ANKRD30B: variants seen among roughly 807,000 people sequenced by gnomAD.
ANKRD30B encodes the protein ankyrin repeat domain 30B.
In ANKRD30B, 144 loss-of-function variants were observed where a neutral mutation model predicts 202.2. That is an observed-to-expected ratio of 0.71 (90% CI 0.62 to 0.82). The LOEUF (loss-of-function observed/expected upper bound fraction) is 0.82. Among genes scored for constraint, ANKRD30B ranks in the 40% least tolerant of loss-of-function variants. The pLI, the probability that ANKRD30B is intolerant of heterozygous loss-of-function variation, is 0.00. For missense variants in ANKRD30B, 1,487 were observed against 1,669.1 expected (o/e 0.89, Z 1.90); for synonymous variants, 508 against 561.3 (o/e 0.91, Z 1.34).
chr18:14,931,578 G>C, the ANKRD30B span, among the ~76,000 whole-genome samples: 1 of 152,136 alleles, frequency 6.6e-6, no homozygotes, highest in African/African-American at 2.4e-5. Context: ...TGAACTGACA[G>C]AGGAGGCTAC....
rs1439086034 is a variant in ANKRD30B, at chr18:14,763,843, A to G, written c.978A>G (p.Gly326=). Reference sequence around the variant, plus strand: ...AATGTCTGGGGAAAGCAACATCTGGAAAGTTTGAACAGTCAACAGAAGAAA... The same window carrying G: ...AATGTCTGGGGAAAGCAACATCTGGGAAGTTTGAACAGTCAACAGAAGAAA... ...KIQCLGKATS[G]KFEQSTEETP... is the part of the protein sequence containing the mutation. The change falls in exon 7 of 44, where the codon GGA becomes GGG. Residue 326 remains glycine, a synonymous_variant. Transcript: ENST00000690538. 1.2e-6 allele frequency: 2 copies of G among 1,613,412 alleles called. No homozygotes were observed. The highest frequency in any genetic ancestry group is 1.7e-6 in the Non-Finnish European group (2 of 1,179,652).
chr18:14,909,555 G>A, the ANKRD30B span, among the ~76,000 whole-genome samples: 6 of 152,044 alleles, frequency 3.9e-5, no homozygotes, highest in East Asian at 3.9e-4. Flanking sequence ...TTACAGGCGC[G>A]CACCACCATT....
chr18:14,769,135 G>T (rs1022352766), intron 7 of ANKRD30B, among the ~76,000 whole-genome samples: 2 of 152,080 alleles, frequency 1.3e-5, no homozygotes, highest in East Asian at 3.9e-4. Flanking sequence ...ACGAAAATAT[G>T]CATGATTCTT....
intron 24 of ANKRD30B, 115 bp downstream of exon 24, chr18:14,803,939 A>G (rs1969349835): frequency 2.0e-6 from 2 of 984,794 alleles, no homozygotes; most frequent in Non-Finnish European, 2.8e-6. Context: ...AAGCATGGAA[A>G]AAAAGAGAAG....
downstream of ANKRD30B, among the ~76,000 whole-genome samples, chr18:14,854,941 G>A (rs1051201818): frequency 6.6e-6 from 1 of 151,816 alleles, no homozygotes; most frequent in African/African-American, 2.4e-5. Flanking sequence ...TCATTCTTGG[G>A]TGTTTCTTGG....
chr18:14,920,049 T>C, the ANKRD30B span, among the ~76,000 whole-genome samples: 1 of 152,200 alleles, frequency 6.6e-6, no homozygotes, highest in African/African-American at 2.4e-5. Flanking sequence ...GCAAATCAGC[T>C]GAGGCCCAAG....
chr18:14,825,737 A>G (rs1187811508), intron 32 of ANKRD30B, among the ~76,000 whole-genome samples: 1 of 152,164 alleles, frequency 6.6e-6, no homozygotes, highest in East Asian at 1.9e-4. Context: ...GAAAGCCATC[A>G]GTTAAGAGGC....
the ANKRD30B span, among the ~76,000 whole-genome samples, chr18:14,935,278 G>C: frequency 1.3e-5 from 2 of 152,204 alleles, no homozygotes; most frequent in African/African-American, 4.8e-5. Context: ...TCCTCACTTA[G>C]AGGATGAGCT....
chr18:14,860,994 C>T, the ANKRD30B span, among the ~76,000 whole-genome samples: 181 of 152,266 alleles, frequency 1.2e-3, no homozygotes, highest in African/African-American at 4.0e-3. Context: ...AGCCACTGCA[C>T]CCAGCCAGTG....
intron 9 of ANKRD30B, among the ~76,000 whole-genome samples, chr18:14,773,360 A>AG (rs34322557): frequency 0.59 from 89,973 of 151,930 alleles, 27,243 homozygotes; most frequent in African/African-American, 0.71. Context: ...GCCTATAAAA[A>AG]GATTTTAAGA....
chr18:14,841,492 A>G (rs1486131258), intron 37 of ANKRD30B, among the ~76,000 whole-genome samples: 3 of 152,180 alleles, frequency 2.0e-5, no homozygotes, highest in Non-Finnish European at 4.4e-5. Context: ...AAAGCATTAT[A>G]TTGCTTTTAT....
the ANKRD30B span, among the ~76,000 whole-genome samples, chr18:14,913,898 G>A: frequency 5.9e-5 from 9 of 152,290 alleles, no homozygotes; most frequent in Admixed American, 3.3e-4. Flanking sequence ...TGTGTGTTTT[G>A]TATAAATTAC....
chr18:14,787,745 G>A (rs1052552251), intron 15 of ANKRD30B, among the ~76,000 whole-genome samples: 2 of 152,176 alleles, frequency 1.3e-5, no homozygotes, highest in African/African-American at 2.4e-5. Context: ...CAGCATGAGC[G>A]TGAAATAATA....
chr18:14,934,304 G>A, the ANKRD30B span, among the ~76,000 whole-genome samples: 1 of 152,224 alleles, frequency 6.6e-6, no homozygotes. Context: ...GCTGGCCAGC[G>A]AGAGGCAGGC....
chr18:14,900,250 T>G, the ANKRD30B span, among the ~76,000 whole-genome samples: 3 of 152,206 alleles, frequency 2.0e-5, no homozygotes, highest in Admixed American at 2.0e-4. Flanking sequence ...CATGAGTATA[T>G]TAAAATTTAT....
At chr18:14,881,914 A>G in the ANKRD30B span, among the ~76,000 whole-genome samples, 2 of 152,146 alleles carry the variant, frequency 1.3e-5, no homozygotes, top group African/African-American at 4.8e-5. Flanking sequence ...GTACCCTTGA[A>G]TAACCTTTAA....
chr18:14,791,158 G>C (rs879837480), intron 15 of ANKRD30B, among the ~76,000 whole-genome samples: 13 of 152,046 alleles, frequency 8.6e-5, no homozygotes, highest in Non-Finnish European at 1.6e-4. Context: ...ATTTCTTCTA[G>C]ATTTTCTAGT....
At chr18:14,863,159 A>G in the ANKRD30B span, among the ~76,000 whole-genome samples, 1 of 152,132 alleles carries the variant, frequency 6.6e-6, no homozygotes. Context: ...GCAATATGAG[A>G]AGGACATGAG....
In ANKRD30B at chr18:14,777,976, C is replaced by A; in HGVS notation, c.1330-9C>A. 1 of 1,530,872 alleles carries A rather than the reference C, an allele frequency of 6.5e-7. No individual in the cohort carries two copies. Among genetic ancestry groups the A allele is most frequent in the Non-Finnish European group, 8.8e-7 (1 of 1,132,164 alleles). 94.8% of individuals were successfully genotyped at this position (1,530,872 alleles called of 1,614,324 possible). A position where few individuals can be genotyped will look rare whatever the true frequency, so the allele number is the denominator to read the frequency against. Reference sequence around the variant, plus strand: ...AAGACAAATTATTTATTGGTATTACCTTTAACAGATTATCTCTAAGAGTGC... The same window carrying A: ...AAGACAAATTATTTATTGGTATTACATTTAACAGATTATCTCTAAGAGTGC... On this transcript the variant is annotated splice_polypyrimidine_tract_variant and intron_variant, in intron 9 of 43. Coordinates refer to ENST00000690538, the MANE Select transcript of ANKRD30B (RefSeq NM_001367607.2).
Sources: gnomAD v4.1 joint callset for allele counts (sites outside exome capture counted in the v4.1 genomes callset) on GRCh38, gnomAD v4.1.1 for gene constraint, MANE v1.5 for transcripts, NCBI Gene and HGNC (gene_info 2026-07-23, HGNC 2026-07-21) for gene names.